The following KHDRBS2 variants were observed in gnomAD, a reference collection of about 807,000 sequenced individuals.
KHDRBS2 encodes the protein KH RNA binding domain containing, signal transduction associated 2.
A neutral mutation model predicts 44.3 loss-of-function variants in KHDRBS2; 26 were observed. The ratio of observed to expected loss-of-function variants is 0.59; its 90% CI spans 0.43 to 0.81. The LOEUF is 0.81. KHDRBS2 is among the 40% of genes least tolerant of loss of function. The probability of loss-of-function intolerance (pLI) is 0.00; values close to 1 mark genes in which losing one functional copy is unlikely to be tolerated. For synonymous variants in KHDRBS2, 194 were observed against 151.1 expected (o/e 1.28, Z -2.08); for missense variants, 476 against 433.1 (o/e 1.10, Z -0.88).
intron 2 of KHDRBS2, among the ~76,000 whole-genome samples, chr6:62,116,482 G>T (rs946577852): frequency 6.6e-6 from 1 of 151,894 alleles, no homozygotes; most frequent in African/African-American, 2.4e-5. Flanking sequence ...ATTTGTAACT[G>T]ATACATAACA....
At chr6:62,008,785 T>C (rs970921225) in intron 3 of KHDRBS2, among the ~76,000 whole-genome samples, 1 of 152,216 alleles carries the variant, frequency 6.6e-6, no homozygotes, top group Non-Finnish European at 1.5e-5. Flanking sequence ...AAGTTCTCTC[T>C]TTGCCTGCTG....
At chr6:62,138,138 C>A (rs1294500868) in intron 2 of KHDRBS2, among the ~76,000 whole-genome samples, 1 of 152,152 alleles carries the variant, frequency 6.6e-6, no homozygotes, top group East Asian at 1.9e-4. Flanking sequence ...GGAGTTCAAG[C>A]AATCATATGA....
At chr6:61,977,470 C>A (rs1022385480) in intron 4 of KHDRBS2, among the ~76,000 whole-genome samples, 6 of 152,152 alleles carry the variant, frequency 3.9e-5, no homozygotes, top group African/African-American at 1.2e-4. Context: ...AATAAACATT[C>A]TCTGTTGCCC....
chr6:61,662,234 T>C, the KHDRBS2 span, among the ~76,000 whole-genome samples: 63 of 152,236 alleles, frequency 4.1e-4, no homozygotes, highest in African/African-American at 1.0e-3. Context: ...TTACATCTTA[T>C]ACAAAAATTA....
intron 2 of KHDRBS2, among the ~76,000 whole-genome samples, chr6:62,094,606 T>A (rs1584658663): frequency 6.6e-6 from 1 of 151,920 alleles, no homozygotes; most frequent in African/African-American, 2.4e-5. Flanking sequence ...TTCAGGATAC[T>A]TTTGACTTCT....
downstream of KHDRBS2, among the ~76,000 whole-genome samples, chr6:61,679,616 G>C (rs565312505): frequency 6.6e-6 from 1 of 151,914 alleles, no homozygotes; most frequent in Non-Finnish European, 1.5e-5. Flanking sequence ...CTTCTAGGGC[G>C]GTGATATTTA....
intron 4 of KHDRBS2, among the ~76,000 whole-genome samples, chr6:61,907,339 CTTCCA>C (rs1357316127): frequency 7.2e-5 from 11 of 151,918 alleles, no homozygotes; most frequent in Admixed American, 6.5e-4. Flanking sequence ...CAAATATTTT[CTTCCA>C]TTCTGTGTAT....
intron 4 of KHDRBS2, among the ~76,000 whole-genome samples, chr6:61,955,179 C>T (rs1486837966): frequency 3.5e-5 from 5 of 143,006 alleles, no homozygotes; most frequent in Non-Finnish European, 7.7e-5. Context: ...TGTGTATATA[C>T]ACATACGTTT....
At chr6:62,237,697 A>G (rs1833916737) in intron 1 of KHDRBS2, among the ~76,000 whole-genome samples, 1 of 152,190 alleles carries the variant, frequency 6.6e-6, no homozygotes, top group African/African-American at 2.4e-5. Context: ...GAAAATGTAC[A>G]ACACATCTGG....
At chr6:61,984,484 C>T (rs1421249334) in intron 3 of KHDRBS2, among the ~76,000 whole-genome samples, 1 of 152,134 alleles carries the variant, frequency 6.6e-6, no homozygotes, top group African/African-American at 2.4e-5. Flanking sequence ...ACGTTCTGAA[C>T]ATCCATAATC....
chr6:62,145,178 T>C (rs961984084), intron 2 of KHDRBS2, among the ~76,000 whole-genome samples: 1 of 151,872 alleles, frequency 6.6e-6, no homozygotes, highest in Non-Finnish European at 1.5e-5. Flanking sequence ...CAGTTGTATA[T>C]ATTTCTTTAT....
chr6:62,220,746 G>C (rs1308975945), intron 1 of KHDRBS2, among the ~76,000 whole-genome samples: 1 of 151,498 alleles, frequency 6.6e-6, no homozygotes, highest in East Asian at 1.9e-4. Context: ...ATCAACAGAA[G>C]GGAATCCAAG....
At chr6:62,125,531 G>C (rs967448584) in intron 2 of KHDRBS2, among the ~76,000 whole-genome samples, 42 of 152,174 alleles carry the variant, frequency 2.8e-4, no homozygotes, top group African/African-American at 9.2e-4. Context: ...CCAAGGTAGT[G>C]CTTGCACCAC....
chr6:62,272,300 C>T (rs1840220464), intron 1 of KHDRBS2, among the ~76,000 whole-genome samples: 1 of 152,236 alleles, frequency 6.6e-6, no homozygotes, highest in East Asian at 1.9e-4. Context: ...TGACACATTT[C>T]TCAGAATAGA....
intron 6 of KHDRBS2, among the ~76,000 whole-genome samples, chr6:61,834,149 C>T (rs1212739127): frequency 1.3e-5 from 2 of 151,930 alleles, no homozygotes; most frequent in African/African-American, 4.8e-5. Context: ...TTAAATCATA[C>T]ATATTATTTC....
chr6:61,791,322 A>G (rs1034607360), intron 6 of KHDRBS2, among the ~76,000 whole-genome samples: 2 of 151,078 alleles, frequency 1.3e-5, no homozygotes, highest in Non-Finnish European at 3.0e-5. Context: ...TCAAAAAAAT[A>G]TTTGCTTGGC....
chr6:61,608,524 G>A, the KHDRBS2 span, among the ~76,000 whole-genome samples: 1 of 151,892 alleles, frequency 6.6e-6, no homozygotes. Flanking sequence ...GTGCCATGGT[G>A]GTTTGCTGCA....
At chr6:61,610,290 C>A in the KHDRBS2 span, among the ~76,000 whole-genome samples, 1 of 152,106 alleles carries the variant, frequency 6.6e-6, no homozygotes, top group Admixed American at 6.6e-5. Context: ...GGGGAAAAAT[C>A]ATACCTATTT....
At chr6:62,198,172 A>G (rs1204897919) in intron 1 of KHDRBS2, among the ~76,000 whole-genome samples, 1 of 152,190 alleles carries the variant, frequency 6.6e-6, no homozygotes, top group Non-Finnish European at 1.5e-5. Flanking sequence ...ATCACAATTA[A>G]AAGAACTAGA....
Sources: gnomAD v4.1 joint callset for allele counts (sites outside exome capture counted in the v4.1 genomes callset) on GRCh38, gnomAD v4.1.1 for gene constraint, MANE v1.5 for transcripts, NCBI Gene and HGNC (gene_info 2026-07-23, HGNC 2026-07-21) for gene names.